Variants in MKLN1 observed in about 807,000 individuals in gnomAD.
The protein encoded by MKLN1 is muskelin.
Under a neutral mutation model 99.0 loss-of-function variants are expected in MKLN1, and 18 were observed. The observed-to-expected ratio is 0.18, with a 90% CI of 0.13 to 0.27. The LOEUF (loss-of-function observed/expected upper bound fraction) is 0.27, where lower values mean the gene tolerates loss of function less well. MKLN1 is among the 10% of genes least tolerant of loss of function. MKLN1 has a pLI of 1.00. For missense variants in MKLN1, 621 were observed against 875.9 expected (o/e 0.71, Z 3.67); for synonymous variants, 288 against 293.2 (o/e 0.98, Z 0.18).
At chr7:131,146,088 G>T (rs1270187913) in intron 2 of MKLN1, among the ~76,000 whole-genome samples, 1 of 152,208 alleles carries the variant, frequency 6.6e-6, no homozygotes, top group East Asian at 1.9e-4. Flanking sequence ...GGCTTAGAGG[G>T]ATTAAGCAAT....
chr7:131,419,276 A>T (rs1308823249), intron 8 of MKLN1, among the ~76,000 whole-genome samples: 2 of 139,614 alleles, frequency 1.4e-5, no homozygotes, highest in African/African-American at 2.6e-5. Context: ...TTTGAGACAG[A>T]GTCTCGCTCT....
chr7:131,313,319 TAAATC>T (rs1798603637), intron 3 of MKLN1, among the ~76,000 whole-genome samples: 1 of 152,162 alleles, frequency 6.6e-6, no homozygotes, highest in South Asian at 2.1e-4. Context: ...ATGGTACACA[TAAATC>T]AGACAGACAC....
At chr7:131,242,901 C>T (rs1797427196) in intron 3 of MKLN1, 1 of 667,874 alleles carries the variant, frequency 1.5e-6, no homozygotes, top group Non-Finnish European at 2.8e-6. Context: ...CTTCAGAGAC[C>T]CTACTCTTAA....
chr7:131,240,616 A>G (rs1042042907), intron 3 of MKLN1, among the ~76,000 whole-genome samples: 1 of 152,236 alleles, frequency 6.6e-6, no homozygotes, highest in Non-Finnish European at 1.5e-5. Context: ...ATTTTAAAAC[A>G]TTAAACTCAT....
At chr7:131,195,322 C>A (rs1252308167) in intron 2 of MKLN1, among the ~76,000 whole-genome samples, 1 of 151,912 alleles carries the variant, frequency 6.6e-6, no homozygotes, top group African/African-American at 2.4e-5. Context: ...ACCAGCCTGG[C>A]CAACATGGTG....
chr7:131,481,812 GCAAAAAA>G (rs1209280015), intron 17 of MKLN1, among the ~76,000 whole-genome samples: 2 of 71,576 alleles, frequency 2.8e-5, no homozygotes, highest in Admixed American at 2.2e-4. Context: ...TCTAAGGTCT[GCAAAAAA>G]AAAAAAAAAA....
At chr7:131,247,597 T>C (rs1027731023) in intron 3 of MKLN1, among the ~76,000 whole-genome samples, 4 of 152,170 alleles carry the variant, frequency 2.6e-5, no homozygotes, top group African/African-American at 7.2e-5. Flanking sequence ...TTCTAAGTTG[T>C]TGACTGATGC....
rs1797339831 is a variant in MKLN1 at position 131,488,267 on chromosome 7, G to T, written c.*539G>T. On this transcript the variant is annotated 3_prime_UTR_variant, in exon 18 of 18. Transcript: ENST00000352689. ...TGTATAGTTCTCTAGGACAGTTGAT[G>T]TATGTTAAGGTGATATCTGTGTCTG... is the stretch of plus-strand genomic sequence containing the variant. The T allele has an allele frequency of 6.6e-6, 1 of 151,992 alleles. No individual in the cohort carries two copies. Among genetic ancestry groups the T allele is most frequent in the Non-Finnish European group, 1.5e-5 (1 of 68,010 alleles). The allele number at this position is 151,992 out of a possible 1,614,324, so 9.4% of individuals were successfully genotyped here. A position where few individuals can be genotyped will look rare whatever the true frequency, so the allele number is the denominator to read the frequency against.
chr7:131,161,984 T>C (rs906727700), intron 2 of MKLN1, among the ~76,000 whole-genome samples: 3 of 118,422 alleles, frequency 2.5e-5, no homozygotes, highest in African/African-American at 1.1e-4. Flanking sequence ...TATATATATA[T>C]ATATATATAT....
At chr7:131,133,394 T>G (rs1445148308) in intron 1 of MKLN1, among the ~76,000 whole-genome samples, 4 of 135,032 alleles carry the variant, frequency 3.0e-5, no homozygotes, top group African/African-American at 8.3e-5. Context: ...TCACTATGTC[T>G]CCCAGGCTGG....
intron 2 of MKLN1, among the ~76,000 whole-genome samples, chr7:131,185,860 T>C (rs1796442693): frequency 1.3e-5 from 2 of 152,116 alleles, no homozygotes; most frequent in South Asian, 4.1e-4. Flanking sequence ...TTTTGTACCA[T>C]GTAAGTGGTA....
At chr7:131,395,413 A>G (rs1031932333) in intron 4 of MKLN1, among the ~76,000 whole-genome samples, 1 of 151,826 alleles carries the variant, frequency 6.6e-6, no homozygotes, top group Non-Finnish European at 1.5e-5. Flanking sequence ...ATGGGAATTT[A>G]ATAAAATTAA....
intron 3 of MKLN1, among the ~76,000 whole-genome samples, chr7:131,297,757 G>A (rs751272217): frequency 8.5e-5 from 13 of 152,164 alleles, no homozygotes; most frequent in Non-Finnish European, 1.5e-4. Flanking sequence ...AGCTGGAGAT[G>A]CGAATATGCA....
At chr7:131,178,183 C>T (rs1796327054) in intron 2 of MKLN1, among the ~76,000 whole-genome samples, 1 of 151,086 alleles carries the variant, frequency 6.6e-6, no homozygotes, top group African/African-American at 2.4e-5. Context: ...ATGGCGTTAT[C>T]TCGGCTCATT....
In MKLN1 at chr7:131,490,014, C is replaced by G. The variant is rs909946156; in HGVS notation, c.*2286C>G. On this transcript the variant is annotated 3_prime_UTR_variant, in exon 18 of 18. Transcript: ENST00000352689. ...AGACTCTGTACTGTGGGGCTTTAAT[C>G]GGAGCACTGCTGGAAATGATTGCAG... The G allele has an allele frequency of 6.6e-6, 1 of 152,454 alleles. No individual in the cohort carries two copies. The highest frequency in any genetic ancestry group is 1.5e-5 in the Non-Finnish European group (1 of 68,012). 9.4% of individuals were successfully genotyped at this position (152,454 alleles called of 1,614,324 possible). A position where few individuals can be genotyped will look rare whatever the true frequency, so the allele number is the denominator to read the frequency against.
chr7:131,449,397 A>T (rs906317044), intron 12 of MKLN1, among the ~76,000 whole-genome samples: 7 of 152,174 alleles, frequency 4.6e-5, no homozygotes, highest in African/African-American at 1.7e-4. Flanking sequence ...CAGTGTCTTG[A>T]TCTAAGTTTT....
intron 12 of MKLN1, among the ~76,000 whole-genome samples, chr7:131,446,934 A>T (rs867008790): frequency 2.0e-5 from 3 of 152,354 alleles, no homozygotes; most frequent in African/African-American, 7.2e-5. Flanking sequence ...AGATAAAAGT[A>T]GACTCAATAG....
At position 131,491,030 on chromosome 7, in the gene MKLN1, A is replaced by G. The variant is rs1797409516; in HGVS notation, c.*3302A>G. Reference sequence around the variant, plus strand: ...ACTCAATTTCATGGTAATTACATGAAGAAGTTACCTGCAATTATTCTTAAC... The same window carrying G: ...ACTCAATTTCATGGTAATTACATGAGGAAGTTACCTGCAATTATTCTTAAC... On this transcript the variant is annotated 3_prime_UTR_variant, in exon 18 of 18. Coordinates refer to ENST00000352689, the MANE Select transcript of MKLN1 (RefSeq NM_013255.5). The G allele has an allele frequency of 3.3e-5, 5 of 152,146 alleles. 1 individual carries two copies. In the South Asian group the frequency reaches 1.0e-3, roughly 32 times the overall value. The allele number at this position is 152,146 out of a possible 1,614,324, so 9.4% of individuals were successfully genotyped here.
chr7:131,419,130 A>G (rs774223412), intron 8 of MKLN1, among the ~76,000 whole-genome samples: 1 of 151,522 alleles, frequency 6.6e-6, no homozygotes, highest in Non-Finnish European at 1.5e-5. Flanking sequence ...ATGAAGCTTC[A>G]TGAATAGATT....
Sources: allele counts gnomAD v4.1 joint callset (sites outside exome capture counted in the v4.1 genomes callset), GRCh38; gene constraint gnomAD v4.1.1; transcripts MANE v1.5; gene names NCBI Gene and HGNC (gene_info 2026-07-23, HGNC 2026-07-21).